The following ETV6 variants were observed in gnomAD, a reference collection of about 807,000 sequenced individuals.
The protein encoded by ETV6 is ETS variant transcription factor 6, also known as transcription factor ETV6.
Under a neutral mutation model 51.1 loss-of-function variants are expected in ETV6, and 16 were observed. The observed-to-expected ratio is 0.31, with a 90% CI of 0.21 to 0.48. The LOEUF is 0.48. Ranked by LOEUF, ETV6 falls within the 20% of genes least tolerant of loss-of-function variation. ETV6 has a pLI of 0.99. For missense variants in ETV6, 458 were observed against 594.8 expected (o/e 0.77, Z 2.39); for synonymous variants, 240 against 224.1 (o/e 1.07, Z -0.64).
chr12:11,823,766 G>GT (rs1211886844), intron 2 of ETV6, among the ~76,000 whole-genome samples: 1 of 152,040 alleles, frequency 6.6e-6, no homozygotes, highest in Non-Finnish European at 1.5e-5. Flanking sequence ...CACCCGGCCA[G>GT]TAATTCCTTC....
At chr12:11,779,697 A>G (rs1469180099) in intron 2 of ETV6, among the ~76,000 whole-genome samples, 1 of 152,220 alleles carries the variant, frequency 6.6e-6, no homozygotes, top group Non-Finnish European at 1.5e-5. Context: ...GGTGCTTAGT[A>G]TGGTACCCTG....
In ETV6 at chr12:11,676,202, A is replaced by G. The variant is rs534570976; in HGVS notation, c.33+26042A>G. On this transcript the variant is annotated intron_variant, in intron 1 of 7. Coordinates refer to ENST00000396373, the MANE Select transcript of ETV6 (RefSeq NM_001987.5). The stretch of plus-strand genomic sequence containing the variant: ...GCTGCCAAGCGAGGCAACGTGACAG[A>G]GCACACAGCTTTATGCCTTTTTCTT... 4.6e-5 allele frequency among the ~76,000 whole-genome samples: 7 copies of G among 152,350 alleles called. 1 individual carries two copies. The South Asian group carries it at 1.4e-3, about 32-fold the overall frequency.
intron 2 of ETV6, among the ~76,000 whole-genome samples, chr12:11,815,340 T>C (rs1320516654): frequency 2.0e-5 from 3 of 152,212 alleles, no homozygotes; most frequent in African/African-American, 7.2e-5. Context: ...TTCTCCATGA[T>C]TTCCTGATGC....
chr12:11,878,828 G>GAAA (rs58898825), intron 5 of ETV6, among the ~76,000 whole-genome samples: 9 of 139,844 alleles, frequency 6.4e-5, no homozygotes, highest in Non-Finnish European at 9.0e-5. Context: ...AGGAGGAGGG[G>GAAA]AAAAAAAAAA....
At position 11,893,983 on chromosome 12, in the gene ETV6, A is replaced by G. The variant is rs1406043088; in HGVS notation, c.*2937A>G. On this transcript the variant is annotated 3_prime_UTR_variant, in exon 8 of 8. Transcript: ENST00000396373. ...CCAATAAGGATTTCGTAATTCCCCT[A>G]ACTGCAAATGTCCTCTTCATTTGTT... is the stretch of plus-strand genomic sequence containing the variant. 8.9e-6 allele frequency: 2 copies of G among 223,964 alleles called. No homozygotes were observed. The highest frequency in any genetic ancestry group is 1.8e-5 in the Non-Finnish European group (2 of 112,490). The allele number at this position is 223,964 out of a possible 1,614,324, so 13.9% of individuals were successfully genotyped here.
chr12:11,858,445 C>G (rs977795685), intron 4 of ETV6, among the ~76,000 whole-genome samples: 3 of 151,462 alleles, frequency 2.0e-5, no homozygotes, highest in Non-Finnish European at 2.9e-5. Flanking sequence ...GTTAGAACTA[C>G]TGGAATATTG....
intron 2 of ETV6, among the ~76,000 whole-genome samples, chr12:11,784,627 A>G (rs1945457560): frequency 6.6e-6 from 1 of 152,162 alleles, no homozygotes; most frequent in Non-Finnish European, 1.5e-5. Context: ...GTGATTGGCA[A>G]GTGAGGAAGA....
At chr12:11,870,011 C>A in intron 5 of ETV6, 42 bp downstream of exon 5, 1 of 1,552,208 alleles carries the variant, frequency 6.4e-7, no homozygotes, top group Non-Finnish European at 8.7e-7. Flanking sequence ...TCATGGGGAC[C>A]TGACAAAGTC....
chr12:11,721,548 T>C (rs114752260), intron 1 of ETV6, among the ~76,000 whole-genome samples: 1,916 of 152,176 alleles, frequency 0.013, 30 homozygotes, highest in African/African-American at 0.044. Context: ...AACATAAACA[T>C]GGGAACAATA....
chr12:11,874,062 A>G (rs1404521115), intron 5 of ETV6, among the ~76,000 whole-genome samples: 2 of 111,596 alleles, frequency 1.8e-5, no homozygotes, highest in African/African-American at 3.5e-5. Context: ...GTTGAGATCT[A>G]TTGAGGTCAT....
intron 2 of ETV6, among the ~76,000 whole-genome samples, chr12:11,800,981 A>G (rs907792622): frequency 5.3e-5 from 8 of 152,228 alleles, no homozygotes; most frequent in Non-Finnish European, 7.3e-5. Flanking sequence ...TTTCTAGATA[A>G]TACTAGGTTT....
At chr12:11,776,406 ATT>A (rs1005772452) in intron 2 of ETV6, among the ~76,000 whole-genome samples, 1 of 147,224 alleles carries the variant, frequency 6.8e-6, no homozygotes. Flanking sequence ...CTGGCAGGGA[ATT>A]TTTTTTTTTT....
chr12:11,666,149 C>T (rs1864190417), intron 1 of ETV6, among the ~76,000 whole-genome samples: 2 of 152,220 alleles, frequency 1.3e-5, no homozygotes, highest in Non-Finnish European at 2.9e-5. Flanking sequence ...CCACCCCATT[C>T]CTCTAAGAGC....
intron 2 of ETV6, among the ~76,000 whole-genome samples, chr12:11,833,416 T>C (rs1391070828): frequency 6.6e-6 from 1 of 152,222 alleles, no homozygotes; most frequent in Non-Finnish European, 1.5e-5. Context: ...AGCTGGGAAA[T>C]AGAGGTTCCA....
chr12:11,869,520 C>A lies in ETV6; in HGVS notation c.560C>A (p.Thr187Lys), dbSNP rs753079378. 1 of 1,614,162 alleles carries A rather than the reference C, an allele frequency of 6.2e-7. No individual in the cohort carries two copies. Among genetic ancestry groups the A allele is most frequent in the East Asian group, 2.2e-5 (1 of 44,876 alleles). The change falls in exon 5 of 8, where the codon ACG becomes AAG. Residue 187 changes from threonine to lysine, a missense_variant. Thr to Lys is a moderately conservative substitution (Grantham distance 78). Coordinates refer to ENST00000396373, the MANE Select transcript of ETV6 (RefSeq NM_001987.5). This position sits in a 1 kb window ranked among gnomAD's most constrained non-coding sequence, Gnocchi z 5.0. ...ELLHRSRSPI[T>K]TNHRPSPDPE... ...TTGCACCGCTCCAGGTCACCTATCA[C>A]GACAAATCACCGGCCTTCTCCTGAC...
chr12:11,876,803 A>C (rs1179754523), intron 5 of ETV6, among the ~76,000 whole-genome samples: 1 of 152,162 alleles, frequency 6.6e-6, no homozygotes, highest in Non-Finnish European at 1.5e-5. Flanking sequence ...TTGTGAGGCT[A>C]TCGCTGGTCA....
intron 3 of ETV6, chr12:11,840,634 G>A (rs1565546753): frequency 7.7e-6 from 3 of 391,518 alleles, no homozygotes; most frequent in South Asian, 1.9e-5. Flanking sequence ...CCCAGCACCC[G>A]TATCTCCACT....
At chr12:11,771,046 G>A (rs761493451) in intron 2 of ETV6, among the ~76,000 whole-genome samples, 97 of 152,356 alleles carry the variant, frequency 6.4e-4, no homozygotes, top group Admixed American at 1.4e-3. Flanking sequence ...GGTTGTGACA[G>A]CATTGCCATT....
At chr12:11,746,980 G>A (rs944793619) in intron 1 of ETV6, among the ~76,000 whole-genome samples, 1 of 151,996 alleles carries the variant, frequency 6.6e-6, no homozygotes, top group Non-Finnish European at 1.5e-5. Flanking sequence ...ACAGGAATCC[G>A]AATATCTCAC....
Sources: gnomAD v4.1 joint callset for allele counts (sites outside exome capture counted in the v4.1 genomes callset) on GRCh38, gnomAD v4.1.1 for gene constraint, Gnocchi (gnomAD v3.1) non-coding constraint, MANE v1.5 for transcripts, NCBI Gene and HGNC (gene_info 2026-07-23, HGNC 2026-07-21) for gene names.